The following CPQ variants were observed in gnomAD, a reference collection of about 807,000 sequenced individuals.
CPQ encodes Ser-Met dipeptidase.
In CPQ, 37 loss-of-function variants were observed where a neutral mutation model predicts 45.7. That is an observed-to-expected ratio of 0.81 (90% CI 0.62 to 1.07). The LOEUF is 1.07. Among genes scored for constraint, CPQ ranks in the 50% least tolerant of loss-of-function variants. CPQ has a pLI of 0.00. For missense variants in CPQ, 537 were observed against 572.9 expected (o/e 0.94, Z 0.64); for synonymous variants, 186 against 205.8 (o/e 0.90, Z 0.82).
At chr8:97,066,866 G>A (rs73268711) in intron 7 of CPQ, among the ~76,000 whole-genome samples, 15 of 151,296 alleles carry the variant, frequency 9.9e-5, no homozygotes, top group African/African-American at 3.4e-4. Flanking sequence ...AATGGGAGCG[G>A]ACATGAGGAG....
chr8:96,677,535 GGTTT>G (rs1399918860), intron 1 of CPQ, among the ~76,000 whole-genome samples: 5 of 151,334 alleles, frequency 3.3e-5, no homozygotes, highest in Non-Finnish European at 7.4e-5. Flanking sequence ...TTTTTTTGAT[GGTTT>G]GTTTGAGTTC....
chr8:96,976,114 T>C (rs1224499582), intron 5 of CPQ, among the ~76,000 whole-genome samples: 1 of 151,934 alleles, frequency 6.6e-6, no homozygotes, highest in Admixed American at 6.6e-5. Context: ...AAAAAGCTCC[T>C]AAAACTAGCA....
At chr8:96,945,264 A>G (rs1813174864) in intron 4 of CPQ, among the ~76,000 whole-genome samples, 1 of 152,166 alleles carries the variant, frequency 6.6e-6, no homozygotes, top group Non-Finnish European at 1.5e-5. Flanking sequence ...GGGTGTGGGG[A>G]GATCCATGAG....
chr8:96,885,793 C>A (rs1812298245), intron 4 of CPQ, among the ~76,000 whole-genome samples: 1 of 152,064 alleles, frequency 6.6e-6, no homozygotes, highest in African/African-American at 2.4e-5. Flanking sequence ...TGGAGACCAT[C>A]CTGGCTAACA....
At chr8:97,117,845 G>C (rs989940343) in intron 7 of CPQ, among the ~76,000 whole-genome samples, 4 of 152,052 alleles carry the variant, frequency 2.6e-5, no homozygotes, top group African/African-American at 9.7e-5. Flanking sequence ...TTACAGGCAC[G>C]AGCCACAGTG....
At chr8:96,977,324 CA>C (rs34816638) in intron 5 of CPQ, among the ~76,000 whole-genome samples, 63,391 of 133,642 alleles carry the variant, frequency 0.47, 14,171 homozygotes, top group African/African-American at 0.63. Context: ...TATCCGTAAT[CA>C]AAAAAAAAAA....
chr8:96,709,385 A>G (rs1382532104), intron 1 of CPQ, among the ~76,000 whole-genome samples: 1 of 152,172 alleles, frequency 6.6e-6, no homozygotes, highest in African/African-American at 2.4e-5. Context: ...TACTTGGAAT[A>G]ATGGCCTCCA....
chr8:96,756,863 A>G (rs926902735), intron 1 of CPQ, among the ~76,000 whole-genome samples: 2 of 152,104 alleles, frequency 1.3e-5, no homozygotes, highest in Admixed American at 1.3e-4. Flanking sequence ...TAGTTTCACT[A>G]TTTCTTAGAT....
At chr8:96,962,967 A>C (rs552025765) in intron 4 of CPQ, among the ~76,000 whole-genome samples, 1 of 152,310 alleles carries the variant, frequency 6.6e-6, no homozygotes, top group East Asian at 1.9e-4. Context: ...TCATTCTTCT[A>C]TAGCACTATA....
intron 4 of CPQ, among the ~76,000 whole-genome samples, chr8:96,890,064 A>C (rs930765509): frequency 1.3e-5 from 2 of 152,168 alleles, no homozygotes; most frequent in Admixed American, 1.3e-4. Flanking sequence ...ATAATCTCCA[A>C]ATAAAGACAA....
chr8:97,070,218 C>T (rs1810716406), intron 7 of CPQ, among the ~76,000 whole-genome samples: 1 of 152,154 alleles, frequency 6.6e-6, no homozygotes, highest in African/African-American at 2.4e-5. Flanking sequence ...TCTGTATTCA[C>T]TGGTGTTCAT....
intron 3 of CPQ, among the ~76,000 whole-genome samples, chr8:96,853,529 AC>A (rs1449242669): frequency 2.0e-5 from 3 of 151,536 alleles, no homozygotes; most frequent in Non-Finnish European, 4.4e-5. Context: ...TTTTAGGTAC[AC>A]AAACAAAGCA....
chr8:96,760,164 C>T lies in CPQ; in HGVS notation c.-34-24700C>T, dbSNP rs887088239. On this transcript the variant is annotated intron_variant, in intron 1 of 7. Coordinates refer to ENST00000220763, the MANE Select transcript of CPQ (RefSeq NM_016134.4). ...CTCATGATTCCCTGAGCTGTGATTA[C>T]GAGCTCTCCTTGTGACTCCTATGGC... Among the ~76,000 whole-genome samples, 9 of 152,184 alleles carry T rather than the reference C, an allele frequency of 5.9e-5. No individual in the cohort carries two copies. The East Asian group carries it at 1.2e-3, about 20-fold the overall frequency.
At chr8:96,900,841 T>C (rs1280461743) in intron 4 of CPQ, among the ~76,000 whole-genome samples, 1 of 152,178 alleles carries the variant, frequency 6.6e-6, no homozygotes, top group Non-Finnish European at 1.5e-5. Flanking sequence ...AAGTCTTGGT[T>C]TTCAGATAAC....
chr8:97,005,437 C>T (rs1396047670), intron 5 of CPQ, among the ~76,000 whole-genome samples: 19 of 151,860 alleles, frequency 1.3e-4, no homozygotes, highest in Admixed American at 1.2e-3. Context: ...TGCAGTGGCT[C>T]ACGCCTGTAA....
intron 4 of CPQ, among the ~76,000 whole-genome samples, chr8:96,895,816 T>G (rs1812435057): frequency 6.6e-6 from 1 of 152,202 alleles, no homozygotes; most frequent in Non-Finnish European, 1.5e-5. Context: ...ATTCTTAATT[T>G]AAGGTTAAAC....
intron 1 of CPQ, among the ~76,000 whole-genome samples, chr8:96,771,702 T>C (rs1810545229): frequency 6.6e-6 from 1 of 152,210 alleles, no homozygotes; most frequent in African/African-American, 2.4e-5. Context: ...ATGTAAGATG[T>C]ATTCAGCACT....
intron 1 of CPQ, among the ~76,000 whole-genome samples, chr8:96,743,140 C>G (rs938905786): frequency 2.3e-4 from 35 of 152,116 alleles, no homozygotes; most frequent in African/African-American, 8.4e-4. Flanking sequence ...GGTCTTTTCA[C>G]GTAGTCCCAT....
In CPQ at chr8:97,003,177, A is replaced by C. The variant is rs573244053; in HGVS notation, c.962-26226A>C. 7.9e-5 allele frequency among the ~76,000 whole-genome samples: 12 copies of C among 152,256 alleles called. No individual in the cohort carries two copies. The South Asian group carries it at 2.5e-3, about 32-fold the overall frequency. ...ATTGCATGTGACATTGGTCTCTTAA[A>C]GACAGCATACCAATAGGTCTTGGTT... is the stretch of plus-strand genomic sequence containing the variant. On this transcript the variant is annotated intron_variant, in intron 5 of 7. Transcript: ENST00000220763.
Sources: allele counts gnomAD v4.1 joint callset (sites outside exome capture counted in the v4.1 genomes callset), GRCh38; gene constraint gnomAD v4.1.1; transcripts MANE v1.5; gene names NCBI Gene and HGNC (gene_info 2026-07-23, HGNC 2026-07-21).